Variants in BSN observed in about 807,000 individuals in gnomAD.
BSN encodes protein bassoon.
A neutral mutation model predicts 264.8 loss-of-function variants in BSN; 57 were observed. That is an observed-to-expected ratio of 0.22 (90% CI 0.17 to 0.27). The LOEUF (loss-of-function observed/expected upper bound fraction) is 0.27, where lower values mean the gene tolerates loss of function less well. Ranked by LOEUF, BSN falls within the 10% of genes least tolerant of loss-of-function variation. The probability of loss-of-function intolerance (pLI) is 1.00; values close to 1 mark genes in which losing one functional copy is unlikely to be tolerated. For synonymous variants in BSN, 2,059 were observed against 2,137.3 expected (o/e 0.96, Z 1.01); for missense variants, 4,615 against 5,232.5 (o/e 0.88, Z 3.64).
rs764608983 is a variant in BSN, at chr3:49,664,515, C to T, written c.11701C>T (p.Pro3901Ser). 8 of 1,611,430 alleles carry T rather than the reference C, an allele frequency of 5.0e-6. No homozygotes were observed. The Admixed American group carries it at 1.3e-4, about 27-fold the overall frequency. The change falls in exon 9 of 12, where the codon CCT (proline) becomes TCT (serine). Residue 3901 changes from proline to serine, a missense_variant. Pro to Ser is a moderately conservative substitution (Grantham distance 74, BLOSUM62 -1). Coordinates refer to ENST00000296452, the MANE Select transcript of BSN (RefSeq NM_003458.4). ...GGAGAGCGTGTTCTCCAAGATCCTC[C>T]CTGGCGGGGCAGCCGAGCAAGCTGG... Reference protein sequence around the residue: ...DGESVFSKILPGGAAEQAGKL... With the variant: ...DGESVFSKILSGGAAEQAGKL...
chr3:49,666,160 G>C (rs1028367915), intron 11 of BSN, among the ~76,000 whole-genome samples: 2 of 152,258 alleles, frequency 1.3e-5, no homozygotes, highest in African/African-American at 4.8e-5. Context: ...TTCTCACGGT[G>C]CACAAGCATG....
intron 1 of BSN, among the ~76,000 whole-genome samples, chr3:49,582,391 G>T (rs556200326): frequency 4.6e-4 from 70 of 152,226 alleles, no homozygotes; most frequent in African/African-American, 1.5e-3. Context: ...CACACTACAG[G>T]CTCAAATTTC....
Position 49,657,952 on chromosome 3 carries a change from C to T in BSN, c.8396C>T (p.Ser2799Leu), listed in dbSNP as rs747403044. 1 of 1,612,320 alleles carries T rather than the reference C, an allele frequency of 6.2e-7. No homozygotes were observed. Residue 2799 changes from serine (S) to leucine (L), a missense_variant, in exon 5 of 12, where the codon TCA becomes TTA. By Grantham distance (145) the Ser-to-Leu change is moderately radical. Around this residue, in one of 3 missense-constraint regions of BSN, gnomAD observed 3,415 missense variants for 3,866.4 expected, o/e 0.88. Transcript: ENST00000296452. ...CCTCAGGTCCTCTACTCACCAGTCT[C>T]ACCCCTGTCCCCTCACCGGCTCCTG... ...KSPQVLYSPVSPLSPHRLLDT... is the reference protein window; with the variant it reads ...KSPQVLYSPVLPLSPHRLLDT...
intron 1 of BSN, among the ~76,000 whole-genome samples, chr3:49,596,773 G>C (rs1158960906): frequency 1.3e-5 from 2 of 152,024 alleles, no homozygotes; most frequent in Admixed American, 6.6e-5. Context: ...TGATCATGCT[G>C]TCTCAGCCTC....
chr3:49,671,838 C>T (rs762307697), downstream of BSN, among the ~76,000 whole-genome samples: 1 of 152,156 alleles, frequency 6.6e-6, no homozygotes, highest in Admixed American at 6.5e-5. The surrounding 1 kb of genome is among the most constrained non-coding windows in gnomAD (Gnocchi z 4.1). Context: ...GCATACACAG[C>T]TTTCTGGGAC....
intron 1 of BSN, among the ~76,000 whole-genome samples, chr3:49,593,847 G>A (rs1382448410): frequency 7.0e-6 from 1 of 142,040 alleles, no homozygotes; most frequent in East Asian, 2.0e-4. Flanking sequence ...CTATCGCCCA[G>A]GCTGGAGTGC....
intron 1 of BSN, among the ~76,000 whole-genome samples, chr3:49,597,704 G>A (rs1425043115): frequency 3.3e-5 from 5 of 151,916 alleles, no homozygotes; most frequent in South Asian, 2.1e-4. Context: ...GTGCAGTGGC[G>A]CAATCTCGGC....
In BSN at chr3:49,655,585, G is replaced by C; in HGVS notation, c.6029G>C (p.Arg2010Pro). 1 of 1,613,636 alleles carries C rather than the reference G, an allele frequency of 6.2e-7. No homozygotes were observed. ...RIGQLFQGPG[R>P]DSAMDLSSLK... ...GGGCAGCTCTTCCAGGGTCCTGGAC[G>C]AGACTCGGCTATGGACCTCAGCTCA... is the stretch of plus-strand genomic sequence containing the variant. Residue 2010 changes from arginine to proline, a missense_variant, in exon 5 of 12, where the codon CGA becomes CCA. Physicochemically the swap from Arg to Pro is moderately radical, Grantham distance 103. Coordinates refer to ENST00000296452, the MANE Select transcript of BSN (RefSeq NM_003458.4).
rs2052648633 is a variant in BSN at position 49,660,956 on chromosome 3, C to T, written c.9111C>T (p.Ala3037=). The change falls in exon 6 of 12, where the codon GCC becomes GCT. Residue 3037 remains alanine, a synonymous_variant. Coordinates refer to ENST00000296452, the MANE Select transcript of BSN (RefSeq NM_003458.4). The surrounding 1 kb of genome is among the most constrained non-coding windows in gnomAD (Gnocchi z 7.1). ...CTGGCCAGTTTGTGGACTTCCCTGC[C>T]ACTGCCGCTGCTCCTGCCACCCCCT... ...TPAGQFVDFP[A]TAAAPATPSG... is the part of the protein sequence containing the mutation. 6.2e-6 allele frequency: 10 copies of T among 1,612,066 alleles called. No individual in the cohort carries two copies. The highest frequency in any genetic ancestry group is 7.6e-6 in the Non-Finnish European group (9 of 1,180,016).
Position 49,664,465 on chromosome 3 carries a change from C to T in BSN, c.11651C>T (p.Pro3884Leu), listed in dbSNP as rs1460694416. ...AGGCCTGGAGGAACCCCAGGGGCTC[C>T]CGCCGGCCAGCCAGGTGCCGATGGG... The part of the protein sequence containing the change: ...GARPGGTPGA[P>L]AGQPGADGES... Residue 3884 changes from proline to leucine, a missense_variant, in exon 9 of 12, where the codon CCC becomes CTC. This residue lies in a region of BSN where 3,415 missense variants were observed against 3,866.4 expected (regional missense o/e 0.88). Transcript: ENST00000296452. 1 of 1,613,652 alleles carries T rather than the reference C, an allele frequency of 6.2e-7. No individual in the cohort carries two copies. Among genetic ancestry groups the T allele is most frequent in the Non-Finnish European group, 8.5e-7 (1 of 1,179,980 alleles).
chr3:49,661,575 A>G lies in BSN; in HGVS notation c.9730A>G (p.Ser3244Gly). Residue 3244 changes from serine to glycine, a missense_variant, in exon 6 of 12, where the codon AGC becomes GGC. Ser to Gly is a moderately conservative substitution (Grantham distance 56). Coordinates refer to ENST00000296452, the MANE Select transcript of BSN (RefSeq NM_003458.4). ...TGACATCAGTGAACTGACCAAGGAC[A>G]GCACCTCTACTGCTCCTGATAGCCA... The part of the protein sequence containing the change: ...IDDISELTKD[S>G]TSTAPDSQRL... 1 of 1,613,946 alleles carries G rather than the reference A, an allele frequency of 6.2e-7. No homozygotes were observed. The highest frequency in any genetic ancestry group is 8.5e-7 in the Non-Finnish European group (1 of 1,180,042).
intron 1 of BSN, among the ~76,000 whole-genome samples, chr3:49,589,096 TGTA>T (rs1204933747): frequency 1.8e-4 from 27 of 145,952 alleles, no homozygotes; most frequent in Non-Finnish European, 2.7e-4. Flanking sequence ...TTTTTTTTTT[TGTA>T]TTTTTTAGTA....
In BSN at chr3:49,642,041, G is replaced by T. The variant is rs1559611904; in HGVS notation, c.634-227G>T. Among the ~76,000 whole-genome samples the T allele has an allele frequency of 2.0e-5, 3 of 151,934 alleles. No homozygotes were observed. The highest frequency in any genetic ancestry group is 2.9e-5 in the Non-Finnish European group (2 of 67,948). Reference sequence around the variant, plus strand: ...GAGTTGGTGGTTGGGGTGGGGTGGGGGATGGGACTGCCTCCACTGCCTCAC... The same window carrying T: ...GAGTTGGTGGTTGGGGTGGGGTGGGTGATGGGACTGCCTCCACTGCCTCAC... On this transcript the variant is annotated intron_variant, in intron 2 of 11. Coordinates refer to ENST00000296452, the MANE Select transcript of BSN (RefSeq NM_003458.4). The surrounding 1 kb of genome is among the most constrained non-coding windows in gnomAD (Gnocchi z 7.0).
In BSN at chr3:49,656,202, C is replaced by T. The variant is rs1241474909; in HGVS notation, c.6646C>T (p.Leu2216=). The change falls in exon 5 of 12, where the codon CTG becomes TTG. Residue 2216 remains leucine, a synonymous_variant. Transcript: ENST00000296452. The part of the protein sequence containing the change: ...LPITTQPASV[L]RPMVRGGMYR... The stretch of plus-strand genomic sequence containing the variant: ...CATCACCACCCAGCCTGCCTCAGTC[C>T]TGCGGCCCATGGTGCGTGGTGGCAT... 6.2e-7 allele frequency: 1 copy of T among 1,611,168 alleles called. No individual in the cohort carries two copies. Among genetic ancestry groups the T allele is most frequent in the Non-Finnish European group, 8.5e-7 (1 of 1,178,862 alleles).
At chr3:49,628,924 C>A (rs2052364036) in intron 2 of BSN, among the ~76,000 whole-genome samples, 1 of 152,162 alleles carries the variant, frequency 6.6e-6, no homozygotes, top group Admixed American at 6.5e-5. Flanking sequence ...CCATTTCTTT[C>A]TGGATATCCC....
At chr3:49,607,664 G>GA (rs2052168040) in intron 1 of BSN, among the ~76,000 whole-genome samples, 1 of 152,184 alleles carries the variant, frequency 6.6e-6, no homozygotes, top group African/African-American at 2.4e-5. Flanking sequence ...TTTCCTTTAT[G>GA]ACAGCATCTG....
intron 1 of BSN, among the ~76,000 whole-genome samples, chr3:49,559,029 C>T (rs7625857): frequency 0.74 from 111,952 of 151,716 alleles, 41,761 homozygotes; most frequent in East Asian, 0.99. Context: ...CGGGTTCAAG[C>T]GATTCTCCTG....
chr3:49,671,814 CAGGT>C (rs530526942), downstream of BSN, among the ~76,000 whole-genome samples: 412 of 152,318 alleles, frequency 2.7e-3, 1 homozygote, highest in Non-Finnish European at 4.3e-3. This position sits in a 1 kb window ranked among gnomAD's most constrained non-coding sequence, Gnocchi z 4.1. Flanking sequence ...CCATGGCCTT[CAGGT>C]GTGTTGGCTG....
chr3:49,599,728 AC>A (rs746646755), intron 1 of BSN, among the ~76,000 whole-genome samples: 1 of 152,314 alleles, frequency 6.6e-6, no homozygotes, highest in East Asian at 1.9e-4. Context: ...GAAAGTGTAC[AC>A]CAGCCCCTTC....
Sources: allele counts gnomAD v4.1 joint callset (sites outside exome capture counted in the v4.1 genomes callset), GRCh38; gene constraint gnomAD v4.1.1; regional missense constraint gnomAD v4.1.1; non-coding constraint Gnocchi (gnomAD v3.1); transcripts MANE v1.5; gene names NCBI Gene and HGNC (gene_info 2026-07-23, HGNC 2026-07-21).